Variants in EPB41 observed in about 807,000 individuals in gnomAD.
EPB41 encodes protein 4.1.
In EPB41, 65 loss-of-function variants were observed where a neutral mutation model predicts 108.0. The ratio of observed to expected loss-of-function variants is 0.60; its 90% confidence interval spans 0.49 to 0.74. EPB41 has a LOEUF of 0.74. Among genes scored for constraint, EPB41 ranks in the 30% least tolerant of loss-of-function variants. EPB41 has a pLI of 0.00. For synonymous variants in EPB41, 336 were observed against 358.9 expected (o/e 0.94, Z 0.72); for missense variants, 875 against 1,037.0 (o/e 0.84, Z 2.15).
chr1:28,985,013 G>A (rs752324551), intron 1 of EPB41, among the ~76,000 whole-genome samples: 4 of 151,436 alleles, frequency 2.6e-5, no homozygotes, highest in African/African-American at 4.9e-5. Flanking sequence ...TGCCCAGGCT[G>A]GAGTACAATG....
chr1:28,989,635 G>A (rs1419754688), intron 2 of EPB41, among the ~76,000 whole-genome samples: 2 of 152,186 alleles, frequency 1.3e-5, no homozygotes, highest in African/African-American at 2.4e-5. Flanking sequence ...CACACTTGCT[G>A]TTAGTGAAAC....
At chr1:29,009,984 C>A (rs1465682807) in intron 4 of EPB41, among the ~76,000 whole-genome samples, 1 of 152,078 alleles carries the variant, frequency 6.6e-6, no homozygotes, top group East Asian at 1.9e-4. Context: ...GGGATAGTCA[C>A]CATATGCTCT....
intron 1 of EPB41, among the ~76,000 whole-genome samples, chr1:28,895,906 G>T (rs377064622): frequency 6.6e-6 from 1 of 152,170 alleles, no homozygotes; most frequent in Admixed American, 6.5e-5. Flanking sequence ...AGCTACTGAC[G>T]TGTTTGTCGG....
chr1:29,037,725 C>A (rs765819728), intron 10 of EPB41, among the ~76,000 whole-genome samples: 36 of 151,134 alleles, frequency 2.4e-4, no homozygotes, highest in Non-Finnish European at 3.8e-4. Flanking sequence ...TTAGTAGAGA[C>A]CGGGTTTCAC....
chr1:28,995,893 A>G (rs1394821453), intron 3 of EPB41, among the ~76,000 whole-genome samples: 1 of 152,238 alleles, frequency 6.6e-6, no homozygotes, highest in Non-Finnish European at 1.5e-5. Context: ...ATTATTTGAT[A>G]TGGATGAGTT....
At position 29,119,298 on chromosome 1, in the gene EPB41, ATG is replaced by A. The variant is rs1000014912; in HGVS notation, c.*2492_*2493del. 1.3e-5 allele frequency: 2 copies of A among 152,412 alleles called. No individual in the cohort carries two copies. The highest frequency in any genetic ancestry group is 4.8e-5 in the African/African-American group (2 of 41,368). The allele number at this position is 152,412 out of a possible 1,614,324, so 9.4% of individuals were successfully genotyped here. A position where few individuals can be genotyped will look rare whatever the true frequency, so the allele number is the denominator to read the frequency against. On this transcript the variant is annotated 3_prime_UTR_variant, in exon 21 of 21. Transcript: ENST00000343067. ...TTTTTTTCTTTCTGCAGTTGTGTGTATGTGTGTTTGTGTGAAGAAAAACAGAC... is the reference window on the plus strand; with the variant it reads ...TTTTTTTCTTTCTGCAGTTGTGTGTATGTGTTTGTGTGAAGAAAAACAGAC...
intron 3 of EPB41, 48 bp downstream of exon 3, chr1:28,993,590 C>A: frequency 1.9e-6 from 3 of 1,560,198 alleles, no homozygotes; most frequent in Non-Finnish European, 1.8e-6. Context: ...CAGGTGGTTT[C>A]ATCTAGAGTT....
intron 15 of EPB41, among the ~76,000 whole-genome samples, chr1:29,061,310 G>A (rs1646478115): frequency 6.6e-6 from 1 of 151,800 alleles, no homozygotes; most frequent in South Asian, 2.1e-4. Context: ...CGCTCTGTCG[G>A]CCAGGCTAGA....
At chr1:28,909,704 G>C (rs564774397), upstream of EPB41, among the ~76,000 whole-genome samples, 21 of 152,122 alleles carry the variant, frequency 1.4e-4, no homozygotes, top group South Asian at 2.1e-4. Context: ...GGAGGCTGAG[G>C]AGGCAGGATT....
chr1:29,069,562 C>G, intron 16 of EPB41: 1 of 587,740 alleles, frequency 1.7e-6, no homozygotes, highest in Non-Finnish European at 2.3e-6. Context: ...GGAGCAAAAA[C>G]TAATTGCTAT....
intron 1 of EPB41, among the ~76,000 whole-genome samples, chr1:28,949,400 A>C (rs1203648613): frequency 1.3e-5 from 2 of 152,146 alleles, no homozygotes; most frequent in Non-Finnish European, 2.9e-5. Context: ...TGATGGCATC[A>C]CTGCACTCCA....
chr1:29,047,522 G>T (rs1643647559), intron 11 of EPB41, among the ~76,000 whole-genome samples: 1 of 151,020 alleles, frequency 6.6e-6, no homozygotes, highest in African/African-American at 2.4e-5. Flanking sequence ...TCAAAGTGCT[G>T]GGATTATAGG....
intron 19 of EPB41, among the ~76,000 whole-genome samples, chr1:29,113,406 A>G (rs1669859555): frequency 6.6e-6 from 1 of 152,198 alleles, no homozygotes; most frequent in Admixed American, 6.5e-5. Context: ...CAGGGTTGAG[A>G]GTTACAGCTG....
chr1:29,068,918 A>G (rs933662389), intron 16 of EPB41: 26 of 764,428 alleles, frequency 3.4e-5, no homozygotes, highest in African/African-American at 2.9e-4. Flanking sequence ...GTAAATTCAC[A>G]CCCACAGCCT....
intron 1 of EPB41, among the ~76,000 whole-genome samples, chr1:28,979,437 C>T (rs1260039243): frequency 6.6e-6 from 1 of 151,408 alleles, no homozygotes; most frequent in Non-Finnish European, 1.5e-5. Flanking sequence ...CGACTACTGC[C>T]CCTTCACACA....
chr1:29,019,742 A>G (rs1439558689), intron 7 of EPB41, among the ~76,000 whole-genome samples: 1 of 152,146 alleles, frequency 6.6e-6, no homozygotes, highest in East Asian at 1.9e-4. Context: ...ATAGGATTGC[A>G]TGGATTGGGA....
chr1:29,026,482 G>A (rs2096720887), intron 7 of EPB41, among the ~76,000 whole-genome samples: 2 of 152,136 alleles, frequency 1.3e-5, no homozygotes, highest in South Asian at 4.1e-4. Flanking sequence ...GATGGGAAAT[G>A]GTCAGAAGGA....
At chr1:28,890,428 T>A (rs537081874) in intron 1 of EPB41, among the ~76,000 whole-genome samples, 1 of 152,318 alleles carries the variant, frequency 6.6e-6, no homozygotes, top group South Asian at 2.1e-4. Context: ...TTTCCCTTTC[T>A]GTGAAATGAG....
intron 1 of EPB41, among the ~76,000 whole-genome samples, chr1:28,892,951 C>T (rs2147833775): frequency 6.6e-6 from 1 of 151,830 alleles, no homozygotes; most frequent in Middle Eastern, 3.4e-3. Context: ...TTATAGGCAC[C>T]CACCACCATG....
Sources: allele counts gnomAD v4.1 joint callset (sites outside exome capture counted in the v4.1 genomes callset), GRCh38; gene constraint gnomAD v4.1.1; transcripts MANE v1.5; gene names NCBI Gene and HGNC (gene_info 2026-07-23, HGNC 2026-07-21).